Variants in RALGAPA2 observed in about 807,000 individuals in gnomAD.
The protein encoded by RALGAPA2 is Ral GTPase activating protein catalytic subunit alpha 2.
In RALGAPA2, 139 loss-of-function variants were observed where a neutral mutation model predicts 230.4. The observed-to-expected ratio is 0.60, with a 90% confidence interval of 0.53 to 0.69. RALGAPA2 has a LOEUF of 0.69. RALGAPA2 is among the 30% of genes least tolerant of loss of function. The pLI is 0.00. For synonymous variants in RALGAPA2, 847 were observed against 837.8 expected (o/e 1.01, Z -0.19); for missense variants, 2,163 against 2,276.0 (o/e 0.95, Z 1.01).
At chr20:20,687,147 A>C (rs944882976) in intron 1 of RALGAPA2, among the ~76,000 whole-genome samples, 1 of 152,230 alleles carries the variant, frequency 6.6e-6, no homozygotes, top group Admixed American at 6.5e-5. Context: ...GATAGGAAAA[A>C]GGGTAAGTGA....
intron 1 of RALGAPA2, among the ~76,000 whole-genome samples, chr20:20,706,133 G>A (rs564296612): frequency 1.6e-4 from 24 of 152,198 alleles, no homozygotes; most frequent in East Asian, 1.3e-3. Context: ...AAATATTCTA[G>A]ACCTACCAAT....
rs374548212 is a variant in RALGAPA2 at position 20,616,141 on chromosome 20, T to C, written c.1590A>G (p.Glu530=). 15 of 1,552,360 alleles carry C rather than the reference T, an allele frequency of 9.7e-6. No homozygotes were observed. In the African/African-American group the frequency reaches 2.0e-4, roughly 21 times the overall value. ...ANIFLLEPCA[E]VPVLLKEQVD... is the part of the protein sequence containing the mutation. Reference sequence around the variant, plus strand: ...CTTGTTCTTTCAAGAGCACAGGAACTTCAGCACATGGTTCCAACAAAAAGA... The same window carrying C: ...CTTGTTCTTTCAAGAGCACAGGAACCTCAGCACATGGTTCCAACAAAAAGA... The change falls in exon 13 of 40, where the codon GAA becomes GAG. Residue 530 remains glutamate (E), a synonymous_variant. Coordinates refer to ENST00000202677, the MANE Select transcript of RALGAPA2 (RefSeq NM_020343.4).
chr20:20,636,157 C>A (rs1387607615), intron 8 of RALGAPA2, among the ~76,000 whole-genome samples: 3 of 152,124 alleles, frequency 2.0e-5, no homozygotes, highest in Non-Finnish European at 4.4e-5. Context: ...TCACATTTCA[C>A]CTTTGAGGCA....
chr20:20,427,443 C>A (rs1156567570), intron 37 of RALGAPA2, among the ~76,000 whole-genome samples: 2 of 151,958 alleles, frequency 1.3e-5, no homozygotes, highest in African/African-American at 2.4e-5. Flanking sequence ...ATCAGCCCTG[C>A]GTCCTGCACT....
chr20:20,503,991 C>T (rs946130271), intron 34 of RALGAPA2, among the ~76,000 whole-genome samples: 4 of 152,218 alleles, frequency 2.6e-5, no homozygotes, highest in Non-Finnish European at 4.4e-5. Context: ...ACACCACTGC[C>T]GAAAGTTTAT....
At chr20:20,465,725 C>T (rs993709486) in intron 37 of RALGAPA2, among the ~76,000 whole-genome samples, 8 of 152,170 alleles carry the variant, frequency 5.3e-5, no homozygotes, top group African/African-American at 1.7e-4. Context: ...GCACTTCTCA[C>T]GGGCCTCATT....
At chr20:20,601,211 C>G (rs571694131) in intron 16 of RALGAPA2, among the ~76,000 whole-genome samples, 2 of 152,152 alleles carry the variant, frequency 1.3e-5, no homozygotes, top group African/African-American at 4.8e-5. Flanking sequence ...AACTGAAATA[C>G]GCTGCAAAGA....
intron 36 of RALGAPA2, among the ~76,000 whole-genome samples, chr20:20,479,137 T>C (rs984134666): frequency 6.6e-6 from 1 of 152,194 alleles, no homozygotes; most frequent in Non-Finnish European, 1.5e-5. Context: ...AGATGAATCA[T>C]AGTAGAAAAA....
intron 23 of RALGAPA2, among the ~76,000 whole-genome samples, chr20:20,549,473 G>C (rs1231771994): frequency 6.6e-6 from 1 of 152,110 alleles, no homozygotes; most frequent in African/African-American, 2.4e-5. Flanking sequence ...ACGTAAGACA[G>C]CGCCCTGAGG....
intron 20 of RALGAPA2, among the ~76,000 whole-genome samples, chr20:20,576,406 C>T (rs1052257852): frequency 6.6e-6 from 1 of 151,984 alleles, no homozygotes; most frequent in African/African-American, 2.4e-5. Flanking sequence ...TTTTGATGAC[C>T]TTCATGGTTT....
chr20:20,703,167 C>T (rs1359483506), intron 1 of RALGAPA2, among the ~76,000 whole-genome samples: 1 of 150,622 alleles, frequency 6.6e-6, no homozygotes, highest in Middle Eastern at 3.2e-3. Flanking sequence ...ACCAAGACTC[C>T]ATCTCAAAAA....
chr20:20,638,163 G>A (rs755395526), intron 7 of RALGAPA2, among the ~76,000 whole-genome samples: 2 of 152,164 alleles, frequency 1.3e-5, no homozygotes, highest in African/African-American at 4.8e-5. Context: ...AGCTGGGACC[G>A]CCCCTCAGGA....
In RALGAPA2 at chr20:20,591,194, C is replaced by A; in HGVS notation, c.2324G>T (p.Cys775Phe). Residue 775 changes from cysteine to phenylalanine, a missense_variant, in exon 17 of 40, where the codon TGC (cysteine) becomes TTC (phenylalanine). Physicochemically the swap from Cys to Phe is radical, Grantham distance 205 (BLOSUM62 -2). Transcript: ENST00000202677. ...SSTSDIPEPL[C>F]SDSSQGQKAE... is the part of the protein sequence containing the mutation. ...TCATGTACCCTGAGAAGAATCTGAG[C>A]ACAGCGGCTCGGGGATGTCGGAGGT... is the stretch of plus-strand genomic sequence containing the variant. 1 of 1,613,760 alleles carries A rather than the reference C, an allele frequency of 6.2e-7. No individual in the cohort carries two copies. The highest frequency in any genetic ancestry group is 8.5e-7 in the Non-Finnish European group (1 of 1,179,760).
chr20:20,573,483 C>A (rs1293382946), intron 20 of RALGAPA2, among the ~76,000 whole-genome samples: 1 of 152,090 alleles, frequency 6.6e-6, no homozygotes, highest in Non-Finnish European at 1.5e-5. Flanking sequence ...AAATTTCCAT[C>A]CCTTTCAGGT....
At chr20:20,670,254 G>C (rs2068090301) in intron 3 of RALGAPA2, among the ~76,000 whole-genome samples, 1 of 152,194 alleles carries the variant, frequency 6.6e-6, no homozygotes, top group Non-Finnish European at 1.5e-5. Flanking sequence ...TGTTGATATA[G>C]ACAGCCTATG....
intron 36 of RALGAPA2, among the ~76,000 whole-genome samples, chr20:20,481,367 T>C (rs2061770443): frequency 6.6e-6 from 1 of 152,190 alleles, no homozygotes; most frequent in Non-Finnish European, 1.5e-5. Flanking sequence ...CTGTTCCAAT[T>C]CCTCACAGAT....
intron 37 of RALGAPA2, among the ~76,000 whole-genome samples, chr20:20,413,773 T>C (rs574140348): frequency 3.3e-5 from 5 of 152,354 alleles, no homozygotes; most frequent in African/African-American, 1.2e-4. Context: ...TAATGATTTA[T>C]GATCTTTTAT....
intron 37 of RALGAPA2, among the ~76,000 whole-genome samples, chr20:20,427,150 C>T (rs2060400963): frequency 6.6e-6 from 1 of 152,176 alleles, no homozygotes. Flanking sequence ...CCAGTTCCAT[C>T]TACTCACTGC....
In RALGAPA2 at chr20:20,503,495, G is replaced by A. The variant is rs1204478503; in HGVS notation, c.5064C>T (p.Ser1688=). Residue 1688 remains serine, a synonymous_variant, in exon 35 of 40, where the codon TCC becomes TCT. Coordinates refer to ENST00000202677, the MANE Select transcript of RALGAPA2 (RefSeq NM_020343.4). ...GGCCACCCATGAACCCACAGTGGGTGGAGAGATCCACCTGACAAAGGTCAC... is the reference window on the plus strand; with the variant it reads ...GGCCACCCATGAACCCACAGTGGGTAGAGAGATCCACCTGACAAAGGTCAC... The part of the protein sequence containing the change: ...VAGLGWEVDL[S]THCGFMGGLQ... 13 of 1,569,436 alleles carry A rather than the reference G, an allele frequency of 8.3e-6. No homozygotes were observed. Among genetic ancestry groups the A allele is most frequent in the Non-Finnish European group, 1.0e-5 (12 of 1,159,362 alleles).
Sources: gnomAD v4.1 joint callset for allele counts (sites outside exome capture counted in the v4.1 genomes callset) on GRCh38, gnomAD v4.1.1 for gene constraint, MANE v1.5 for transcripts, NCBI Gene and HGNC (gene_info 2026-07-23, HGNC 2026-07-21) for gene names.